Variants in AK8 observed in about 807,000 individuals in gnomAD.
AK8 encodes adenylate kinase 8, also known as ATP-AMP transphosphorylase 8.
AK8 carries 44 observed loss-of-function variants against 54.6 expected under a neutral mutation model. The observed-to-expected ratio is 0.81, with a 90% CI of 0.63 to 1.04. The LOEUF (loss-of-function observed/expected upper bound fraction) is 1.04, where lower values mean the gene tolerates loss of function less well. AK8 is among the 50% of genes least tolerant of loss of function. The probability of loss-of-function intolerance (pLI) is 0.00; values close to 1 mark genes in which losing one functional copy is unlikely to be tolerated. For missense variants in AK8, 555 were observed against 613.6 expected, an observed-to-expected ratio of 0.90 and a Z score of 1.01; for synonymous variants, 239 against 245.6, an observed-to-expected ratio of 0.97 and a Z score of 0.25.
chr9:132,768,103 A>G (rs1462638807), intron 11 of AK8, among the ~76,000 whole-genome samples: 1 of 152,186 alleles, frequency 6.6e-6, no homozygotes, highest in Non-Finnish European at 1.5e-5. Flanking sequence ...AGAGATTTGA[A>G]ATGTTCCCAA....
chr9:132,794,832 T>C (rs1319839684), intron 10 of AK8, among the ~76,000 whole-genome samples: 3 of 152,216 alleles, frequency 2.0e-5, no homozygotes, highest in Admixed American at 2.0e-4. Flanking sequence ...AGCTCCTCCC[T>C]TTCTTGCTGC....
chr9:132,849,686 C>T (rs1182919501), intron 5 of AK8, among the ~76,000 whole-genome samples: 1 of 152,212 alleles, frequency 6.6e-6, no homozygotes, highest in African/African-American at 2.4e-5. Context: ...AGAACAAGCT[C>T]GTGAGAACTG....
At chr9:132,756,431 T>G (rs916545901) in intron 11 of AK8, among the ~76,000 whole-genome samples, 8 of 152,250 alleles carry the variant, frequency 5.3e-5, no homozygotes, top group African/African-American at 1.9e-4. Flanking sequence ...GGAGGGCGCC[T>G]GCAACCTGCG....
Position 132,866,953 on chromosome 9 carries a change from A to C in AK8, c.170T>G (p.Val57Gly). 6.2e-7 allele frequency: 1 copy of C among 1,614,074 alleles called. No homozygotes were observed. The highest frequency in any genetic ancestry group is 1.6e-4 in the Middle Eastern group (1 of 6,062). Residue 57 changes from valine (V) to glycine (G), a missense_variant and splice_region_variant, in exon 3 of 13, where the codon GTG (valine) becomes GGG (glycine). Coordinates refer to ENST00000298545, the MANE Select transcript of AK8 (RefSeq NM_152572.3). ...IQHLHRDNDN[V>G]PRIVILGPPA... ...TGGACCTAATATTACAATCCTGGGC[A>C]CTGTGGAATAAAAAGATTTGAATGT...
chr9:132,853,415 C>A (rs1588215582), intron 5 of AK8, among the ~76,000 whole-genome samples: 1 of 149,496 alleles, frequency 6.7e-6, no homozygotes, highest in Admixed American at 6.7e-5. Flanking sequence ...AAGAAAAAAT[C>A]TTGAAAGTAG....
chr9:132,736,904 C>A (rs1167670648), intron 11 of AK8, among the ~76,000 whole-genome samples: 1 of 151,738 alleles, frequency 6.6e-6, no homozygotes, highest in East Asian at 1.9e-4. Context: ...TATGACTCCA[C>A]TTTTTGAGGT....
chr9:132,843,443 T>C (rs1344041995), intron 5 of AK8, among the ~76,000 whole-genome samples: 1 of 152,168 alleles, frequency 6.6e-6, no homozygotes, highest in East Asian at 1.9e-4. Flanking sequence ...CATGAGCCAA[T>C]TAAACCTCAT....
In AK8 at chr9:132,837,022, C is replaced by G. The variant is rs1333455138; in HGVS notation, c.403-8296G>C. Among the ~76,000 whole-genome samples, 1 of 152,152 alleles carries G rather than the reference C, an allele frequency of 6.6e-6. No homozygotes were observed. The highest frequency in any genetic ancestry group is 1.5e-5 in the Non-Finnish European group (1 of 68,018). On this transcript the variant is annotated intron_variant, in intron 5 of 12. Coordinates refer to ENST00000298545, the MANE Select transcript of AK8 (RefSeq NM_152572.3). This position sits in a 1 kb window ranked among gnomAD's most constrained non-coding sequence, Gnocchi z 4.3. ...ATTTGAAAAACAGACCAAACTCAGC[C>G]TAAGAATGGGAGAACGGGCCAGGCG... is the stretch of plus-strand genomic sequence containing the variant.
At chr9:132,812,055 A>C (rs1016247708) in intron 10 of AK8, among the ~76,000 whole-genome samples, 25 of 152,226 alleles carry the variant, frequency 1.6e-4, no homozygotes, top group African/African-American at 5.1e-4. Flanking sequence ...ATACTATGGA[A>C]TACTACTAGC....
intron 9 of AK8, among the ~76,000 whole-genome samples, chr9:132,819,403 A>G (rs1398957446): frequency 6.6e-6 from 1 of 152,238 alleles, no homozygotes; most frequent in African/African-American, 2.4e-5. Flanking sequence ...GGGAGGTCCT[A>G]GAACCAATCC....
chr9:132,788,746 CA>C (rs1422917761), intron 11 of AK8, among the ~76,000 whole-genome samples: 1 of 152,148 alleles, frequency 6.6e-6, no homozygotes, highest in Non-Finnish European at 1.5e-5. Flanking sequence ...ACCTCTGCCC[CA>C]AAGTGCCAGA....
intron 11 of AK8, chr9:132,769,696 CAA>C (rs1838874889): frequency 6.6e-6 from 1 of 152,188 alleles, no homozygotes; most frequent in Admixed American, 6.5e-5. Flanking sequence ...TCTCATTTCT[CAA>C]AGAGCCGAGA....
chr9:132,750,456 C>T (rs1011013142), intron 11 of AK8, among the ~76,000 whole-genome samples: 1 of 151,844 alleles, frequency 6.6e-6, no homozygotes, highest in East Asian at 1.9e-4. Context: ...TGTCCGGCAT[C>T]GGGGCAGCAG....
intron 5 of AK8, among the ~76,000 whole-genome samples, chr9:132,848,115 C>CAAAA (rs796764891): frequency 1.7e-4 from 9 of 52,552 alleles, no homozygotes; most frequent in South Asian, 2.0e-3. Flanking sequence ...CACCCTGTTT[C>CAAAA]AAAAAAAAAA....
chr9:132,829,858 A>G (rs1842035267), intron 5 of AK8, among the ~76,000 whole-genome samples: 1 of 152,182 alleles, frequency 6.6e-6, no homozygotes, highest in African/African-American at 2.4e-5. Context: ...CCTGGCCTTT[A>G]CTAACTCTTT....
chr9:132,730,099 G>A (rs1441511945), intron 11 of AK8, among the ~76,000 whole-genome samples: 1 of 152,154 alleles, frequency 6.6e-6, no homozygotes, highest in Non-Finnish European at 1.5e-5. Flanking sequence ...ATGGTTTCAG[G>A]AGGGGCCTAT....
At chr9:132,847,586 C>G (rs1010894861) in intron 5 of AK8, among the ~76,000 whole-genome samples, 1 of 152,138 alleles carries the variant, frequency 6.6e-6, no homozygotes, top group African/African-American at 2.4e-5. Flanking sequence ...CAGTCCTGGG[C>G]AACTAAGGTA....
chr9:132,827,111 G>A, intron 7 of AK8, 57 bp from the exon 8 acceptor site: 2 of 1,560,720 alleles, frequency 1.3e-6, no homozygotes, highest in Non-Finnish European at 1.8e-6. Flanking sequence ...TGTGGGCGCT[G>A]CTGTGCCTGG....
At chr9:132,861,926 C>A (rs183705099) in intron 4 of AK8, among the ~76,000 whole-genome samples, 1 of 152,304 alleles carries the variant, frequency 6.6e-6, no homozygotes, top group Admixed American at 6.5e-5. Context: ...AGGACCCCAA[C>A]AAGACACCCT....
Sources: gnomAD v4.1 joint callset for allele counts (sites outside exome capture counted in the v4.1 genomes callset) on GRCh38, gnomAD v4.1.1 for gene constraint, Gnocchi (gnomAD v3.1) non-coding constraint, MANE v1.5 for transcripts, NCBI Gene and HGNC (gene_info 2026-07-23, HGNC 2026-07-21) for gene names.